The following HERC1 variants were observed in gnomAD, a reference collection of about 807,000 sequenced individuals.
HERC1 encodes HECT and RLD domain containing E3 ubiquitin protein ligase family member 1.
In HERC1, 160 loss-of-function variants were observed where a neutral mutation model predicts 554.3. The observed-to-expected ratio is 0.29, with a 90% confidence interval of 0.25 to 0.33. HERC1 has a LOEUF of 0.33. HERC1 is among the 10% of genes least tolerant of loss of function. The pLI is 1.00. For synonymous variants in HERC1, 2,175 were observed against 2,131.7 expected (o/e 1.02, Z -0.56); for missense variants, 4,919 against 5,918.5 (o/e 0.83, Z 5.54).
chr15:63,656,429 C>T, intron 48 of HERC1, 71 bp from the exon 49 acceptor site: 3 of 1,299,182 alleles, frequency 2.3e-6, no homozygotes, highest in South Asian at 1.3e-5. Flanking sequence ...TGCAGTCCCA[C>T]ATAACATTCA....
At chr15:63,744,296 A>C (rs1299863303) in intron 12 of HERC1, among the ~76,000 whole-genome samples, 9 of 152,130 alleles carry the variant, frequency 5.9e-5, no homozygotes. Flanking sequence ...AAGCTAGCAC[A>C]GCACCAGCAC....
At chr15:63,687,529 C>A (rs1489580516) in intron 33 of HERC1, among the ~76,000 whole-genome samples, 2 of 150,606 alleles carry the variant, frequency 1.3e-5, no homozygotes, top group East Asian at 1.9e-4. Context: ...CAGAGCGAGA[C>A]TCTGTCTCAA....
At chr15:63,739,626 G>C (rs1293304313) in intron 12 of HERC1, among the ~76,000 whole-genome samples, 1 of 151,578 alleles carries the variant, frequency 6.6e-6, no homozygotes, top group Non-Finnish European at 1.5e-5. Flanking sequence ...ATCACCTGAG[G>C]TAAGGAGTTC....
chr15:63,682,380 A>G (rs1426804336), intron 34 of HERC1, among the ~76,000 whole-genome samples: 1 of 152,178 alleles, frequency 6.6e-6, no homozygotes, highest in African/African-American at 2.4e-5. Context: ...AAAGGGCCCA[A>G]ATATTCCCAC....
At chr15:63,689,534 T>C (rs2071983712) in intron 33 of HERC1, 55 bp downstream of exon 33, 1 of 946,064 alleles carries the variant, frequency 1.1e-6, no homozygotes, top group Non-Finnish European at 1.6e-6. Context: ...CAGAGACAAG[T>C]GACAGAATAT....
chr15:63,673,736 G>C (rs2071052160), intron 38 of HERC1, among the ~76,000 whole-genome samples: 1 of 152,170 alleles, frequency 6.6e-6, no homozygotes, highest in South Asian at 2.1e-4. Context: ...ATTTTGGTTT[G>C]TTTTTTGAGA....
chr15:63,786,988 G>A (rs950602620), intron 1 of HERC1, among the ~76,000 whole-genome samples: 1 of 146,408 alleles, frequency 6.8e-6, no homozygotes, highest in African/African-American at 2.5e-5. Flanking sequence ...GCAATGGCAT[G>A]GTCTCACCAT....
chr15:63,740,388 C>T (rs150869193), intron 12 of HERC1, among the ~76,000 whole-genome samples: 258 of 152,274 alleles, frequency 1.7e-3, no homozygotes, highest in African/African-American at 5.9e-3. Context: ...CTGTTATTAA[C>T]ATTCATGTAC....
At position 63,734,247 on chromosome 15, in the gene HERC1, G is replaced by A. The variant is rs2074410956; in HGVS notation, c.2646+477C>T. 7.9e-5 allele frequency among the ~76,000 whole-genome samples: 12 copies of A among 152,072 alleles called. No homozygotes were observed. The highest frequency in any genetic ancestry group is 7.9e-4 in the Admixed American group (12 of 15,254). On this transcript the variant is annotated intron_variant, in intron 13 of 77. Coordinates refer to ENST00000443617, the MANE Select transcript of HERC1 (RefSeq NM_003922.4). This position sits in a 1 kb window ranked among gnomAD's most constrained non-coding sequence, Gnocchi z 4.6. ...GTACCAATTTTTTTTCCTCAAATCTGTATCTCTGAATCTGATAACTTCTAC... is the reference window on the plus strand; with the variant it reads ...GTACCAATTTTTTTTCCTCAAATCTATATCTCTGAATCTGATAACTTCTAC...
At position 63,825,351 on chromosome 15, in the gene HERC1, T is replaced by C. The variant is rs192522773; in HGVS notation, c.-27+8476A>G. Among the ~76,000 whole-genome samples, 501 of 152,298 alleles carry C rather than the reference T, an allele frequency of 3.3e-3. 2 individuals are homozygous for C. The highest frequency in any genetic ancestry group is 4.8e-3 in the Admixed American group (74 of 15,292). On this transcript the variant is annotated intron_variant, in intron 1 of 77. Transcript: ENST00000443617. ...ATATAATTAATATTAGCATATTATA[T>C]ACCAGAAATTTTCTAAAAGTAGATT...
intron 67 of HERC1, among the ~76,000 whole-genome samples, chr15:63,633,171 A>G (rs769345318): frequency 3.3e-5 from 5 of 152,246 alleles, no homozygotes; most frequent in Non-Finnish European, 7.3e-5. Flanking sequence ...TAACTGCTTT[A>G]TATGTTCCCC....
chr15:63,628,200 G>A (rs2068387060), intron 70 of HERC1, among the ~76,000 whole-genome samples: 1 of 152,104 alleles, frequency 6.6e-6, no homozygotes, highest in Non-Finnish European at 1.5e-5. Flanking sequence ...AGACCAGCCT[G>A]GCCAACATGG....
rs191395246 is a variant in HERC1 at position 63,762,723 on chromosome 15, G to T, written c.1026+1373C>A. Among the ~76,000 whole-genome samples, 14 of 152,296 alleles carry T rather than the reference G, an allele frequency of 9.2e-5. No individual in the cohort carries two copies. The East Asian group carries it at 2.5e-3, about 27-fold the overall frequency. On this transcript the variant is annotated intron_variant, in intron 3 of 77. Coordinates refer to ENST00000443617, the MANE Select transcript of HERC1 (RefSeq NM_003922.4). ...CTGGTAAATAAAGAGCAGATAGAAA[G>T]AATCAAGCATTTATTCTGCTCTTCC...
At chr15:63,823,760 A>C (rs1437399630) in intron 1 of HERC1, among the ~76,000 whole-genome samples, 4 of 152,154 alleles carry the variant, frequency 2.6e-5, no homozygotes, top group African/African-American at 9.7e-5. Flanking sequence ...AAGAAACTAT[A>C]CTATACTACT....
intron 54 of HERC1, among the ~76,000 whole-genome samples, chr15:63,648,590 C>G (rs1456869660): frequency 6.6e-6 from 1 of 151,966 alleles, no homozygotes; most frequent in South Asian, 2.1e-4. Flanking sequence ...TCTTTTTTTG[C>G]TTATTTAATA....
intron 55 of HERC1, 134 bp from the exon 56 acceptor site, chr15:63,645,816 T>C: frequency 1.6e-6 from 1 of 607,478 alleles, no homozygotes; most frequent in East Asian, 2.9e-5. Flanking sequence ...CAATATTTTA[T>C]GCAAATCAGA....
At chr15:63,681,108 T>C (rs2071453952) in intron 34 of HERC1, among the ~76,000 whole-genome samples, 1 of 152,242 alleles carries the variant, frequency 6.6e-6, no homozygotes, top group African/African-American at 2.4e-5. Context: ...ATATAGATTT[T>C]AACTACTCTC....
intron 12 of HERC1, among the ~76,000 whole-genome samples, chr15:63,742,045 G>A (rs988327899): frequency 6.6e-6 from 1 of 152,192 alleles, no homozygotes; most frequent in Admixed American, 6.5e-5. Context: ...TTTTGATAGT[G>A]ATTGCACTCA....
Position 63,678,083 on chromosome 15 carries a change from C to T in HERC1, c.6832G>A (p.Glu2278Lys). Reference sequence around the variant, plus strand: ...TGCCTAGTATGTTTACCTTTCTCTTCCTCTTTGCTCTCCTTCTCCTCTCTC... The same window carrying T: ...TGCCTAGTATGTTTACCTTTCTCTTTCTCTTTGCTCTCCTTCTCCTCTCTC... ...EMREEKESKEEEKGKHTRHGL... is the reference protein window; with the variant it reads ...EMREEKESKEKEKGKHTRHGL... Residue 2278 changes from glutamate to lysine, a missense_variant, in exon 37 of 78, where the codon GAA (glutamate) becomes AAA (lysine). This residue lies in a region of HERC1 where 1,963 missense variants were observed against 2,228.6 expected (regional missense o/e 0.88). Coordinates refer to ENST00000443617, the MANE Select transcript of HERC1 (RefSeq NM_003922.4). The T allele has an allele frequency of 6.2e-7, 1 of 1,614,030 alleles. No individual in the cohort carries two copies.
Sources: gnomAD v4.1 joint callset for allele counts (sites outside exome capture counted in the v4.1 genomes callset) on GRCh38, gnomAD v4.1.1 for gene constraint, gnomAD v4.1.1 regional missense constraint, Gnocchi (gnomAD v3.1) non-coding constraint, MANE v1.5 for transcripts, NCBI Gene and HGNC (gene_info 2026-07-23, HGNC 2026-07-21) for gene names.